Variants in TNFSF4 observed in about 807,000 individuals in gnomAD.
The protein encoded by TNFSF4 is TNF superfamily member 4, also known as tumor necrosis factor ligand superfamily member 4.
TNFSF4 carries 4 observed loss-of-function variants against 7.3 expected under a neutral mutation model. The observed-to-expected ratio is 0.55, with a 90% CI of 0.27 to 1.25. TNFSF4 has a LOEUF of 1.25. TNFSF4 is among the 50% of genes most tolerant of loss of function. TNFSF4 has a pLI of 0.12. For synonymous variants in TNFSF4, 76 were observed against 83.7 expected (o/e 0.91, Z 0.50); for missense variants, 181 against 208.8 (o/e 0.87, Z 0.82).
the TNFSF4 span, among the ~76,000 whole-genome samples, chr1:173,365,895 T>G: frequency 1.2e-4 from 19 of 152,210 alleles, no homozygotes; most frequent in Admixed American, 7.2e-4. Flanking sequence ...CATATTGGTA[T>G]GCATAAGATA....
chr1:173,391,726 A>G, the TNFSF4 span, among the ~76,000 whole-genome samples: 1 of 152,190 alleles, frequency 6.6e-6, no homozygotes, highest in Admixed American at 6.5e-5. Context: ...ACTAACCTCT[A>G]AATGGAGGTG....
rs1221678597 is a variant in TNFSF4 at position 173,186,692 on chromosome 1, G to A, written c.376C>T (p.Leu126Phe). ...SLHYQKDEEP[L>F]FQLKKVRSVN... ...GACCTGACCTTCTTCAGTTGGAAGA[G>A]GGGCTCCTCATCCTTCTGGTAATGA... The change falls in exon 3 of 3, where the codon CTC (leucine) becomes TTC (phenylalanine). Residue 126 changes from leucine to phenylalanine, a missense_variant. Physicochemically the swap from Leu to Phe is conservative, Grantham distance 22 (BLOSUM62 0). Transcript: ENST00000281834. The A allele has an allele frequency of 1.2e-6, 2 of 1,614,042 alleles. No homozygotes were observed. Among genetic ancestry groups the A allele is most frequent in the African/African-American group, 1.3e-5 (1 of 74,924 alleles).
chr1:173,221,776 C>A, the TNFSF4 span, among the ~76,000 whole-genome samples: 3 of 152,258 alleles, frequency 2.0e-5, no homozygotes, highest in East Asian at 1.9e-4. Flanking sequence ...TGCAACTTGG[C>A]CTTGGTCACT....
the TNFSF4 span, among the ~76,000 whole-genome samples, chr1:173,302,686 A>T: frequency 1.3e-5 from 2 of 151,908 alleles, no homozygotes; most frequent in Non-Finnish European, 2.9e-5. Context: ...AAAGATAAAC[A>T]TGCTATGAAA....
At chr1:173,358,819 G>A in the TNFSF4 span, among the ~76,000 whole-genome samples, 3 of 152,192 alleles carry the variant, frequency 2.0e-5, no homozygotes, top group East Asian at 1.9e-4. Flanking sequence ...TTTACATATT[G>A]TGTCATTCCT....
At chr1:173,193,776 A>AG (rs899837542) in intron 1 of TNFSF4, among the ~76,000 whole-genome samples, 3 of 151,836 alleles carry the variant, frequency 2.0e-5, no homozygotes, top group African/African-American at 7.3e-5. Flanking sequence ...AGCAAAAAAA[A>AG]AAAAAAAAAG....
the TNFSF4 span, among the ~76,000 whole-genome samples, chr1:173,376,448 G>A: frequency 1.3e-5 from 2 of 152,128 alleles, no homozygotes; most frequent in Admixed American, 1.3e-4. Context: ...AGGGGGTGGG[G>A]GTCTAGGGGA....
At chr1:173,391,435 CAAAAAAAAAA>C in the TNFSF4 span, among the ~76,000 whole-genome samples, 5 of 108,818 alleles carry the variant, frequency 4.6e-5, no homozygotes, top group African/African-American at 1.4e-4. Context: ...CCTTAGAAAG[CAAAAAAAAAA>C]AAAAAAAAAA....
the TNFSF4 span, among the ~76,000 whole-genome samples, chr1:173,446,731 G>A: frequency 6.6e-6 from 1 of 152,174 alleles, no homozygotes; most frequent in Non-Finnish European, 1.5e-5. Context: ...GATGCTTCAT[G>A]CCCTCAAACA....
chr1:173,391,434 G>C, the TNFSF4 span, among the ~76,000 whole-genome samples: 6 of 12,774 alleles, frequency 4.7e-4, no homozygotes, highest in African/African-American at 2.0e-3. Flanking sequence ...TCCTTAGAAA[G>C]CAAAAAAAAA....
At chr1:173,332,901 T>C in the TNFSF4 span, among the ~76,000 whole-genome samples, 2 of 152,206 alleles carry the variant, frequency 1.3e-5, no homozygotes, top group Admixed American at 6.5e-5. Context: ...CTGCTTTCCA[T>C]TGAGGAGGAT....
intron 2 of TNFSF4, 146 bp downstream of exon 2, chr1:173,188,375 G>T: frequency 1.5e-6 from 1 of 652,158 alleles, no homozygotes; most frequent in Non-Finnish European, 2.7e-6. Context: ...AAAATAATAT[G>T]CAGGCTACAA....
intron 2 of TNFSF4, among the ~76,000 whole-genome samples, chr1:173,188,207 A>G (rs1649314101): frequency 6.6e-6 from 1 of 152,238 alleles, no homozygotes; most frequent in South Asian, 2.1e-4. Flanking sequence ...TGTAAGAAGT[A>G]AAGCCTTAGT....
intron 1 of TNFSF4, among the ~76,000 whole-genome samples, chr1:173,193,647 A>T (rs910103348): frequency 1.3e-5 from 2 of 152,068 alleles, no homozygotes; most frequent in Non-Finnish European, 2.9e-5. Flanking sequence ...TTTAATAGCA[A>T]GCTTAGAGAA....
At chr1:173,395,238 CTAA>C in the TNFSF4 span, among the ~76,000 whole-genome samples, 2 of 150,854 alleles carry the variant, frequency 1.3e-5, no homozygotes, top group Non-Finnish European at 3.0e-5. Context: ...TTTGAAGATA[CTAA>C]TGACTATTTT....
the TNFSF4 span, among the ~76,000 whole-genome samples, chr1:173,416,970 G>A: frequency 6.6e-6 from 1 of 152,058 alleles, no homozygotes; most frequent in Non-Finnish European, 1.5e-5. Flanking sequence ...TTCCTGAAAC[G>A]TCTTTTAATC....
chr1:173,281,502 G>T, the TNFSF4 span, among the ~76,000 whole-genome samples: 1 of 152,136 alleles, frequency 6.6e-6, no homozygotes. Context: ...ATCAGAAATT[G>T]AATAAGCACT....
At chr1:173,244,062 T>C in the TNFSF4 span, among the ~76,000 whole-genome samples, 2 of 152,222 alleles carry the variant, frequency 1.3e-5, no homozygotes, top group Admixed American at 6.5e-5. Flanking sequence ...TGTAAATACT[T>C]GCATATTGAT....
At chr1:173,252,404 G>A in the TNFSF4 span, among the ~76,000 whole-genome samples, 4 of 151,996 alleles carry the variant, frequency 2.6e-5, no homozygotes, top group African/African-American at 7.3e-5. Flanking sequence ...TCTGATTGTT[G>A]AAATTATTAA....
Sources: allele counts gnomAD v4.1 joint callset (sites outside exome capture counted in the v4.1 genomes callset), GRCh38; gene constraint gnomAD v4.1.1; transcripts MANE v1.5; gene names NCBI Gene and HGNC (gene_info 2026-07-23, HGNC 2026-07-21).